METTL5: variants seen among roughly 807,000 people sequenced by gnomAD.
METTL5 encodes methyltransferase 5, N6-adenosine, also known as rRNA N(6)-adenosine-methyltransferase METTL5.
METTL5 carries 28 observed loss-of-function variants against 26.5 expected under a neutral mutation model. The observed-to-expected ratio is 1.06, with a 90% CI of 0.78 to 1.45. METTL5 has a LOEUF of 1.45. METTL5 is among the 40% of genes most tolerant of loss of function. METTL5 has a pLI of 0.00. For synonymous variants in METTL5, 86 were observed against 82.6 expected (o/e 1.04, Z -0.22); for missense variants, 231 against 249.9 (o/e 0.92, Z 0.51).
At chr2:169,823,134 A>G (rs111889417) in intron 1 of METTL5, among the ~76,000 whole-genome samples, 1,578 of 151,182 alleles carry the variant, frequency 0.01, 23 homozygotes, top group African/African-American at 0.037. Context: ...GGCACATACT[A>G]CCACACTAGG....
intron 4 of METTL5, among the ~76,000 whole-genome samples, chr2:169,815,953 G>C (rs573443842): frequency 6.6e-6 from 1 of 152,078 alleles, no homozygotes; most frequent in Non-Finnish European, 1.5e-5. Flanking sequence ...ACAATTGCCT[G>C]TAGTATTCAA....
intron 1 of METTL5, among the ~76,000 whole-genome samples, chr2:169,822,639 C>T (rs2081600636): frequency 6.6e-6 from 1 of 151,752 alleles, no homozygotes; most frequent in Non-Finnish European, 1.5e-5. Flanking sequence ...CTATATTGCC[C>T]ACGCTGCTCT....
intron 5 of METTL5, 62 bp from the exon 6 acceptor site, chr2:169,812,568 A>G: frequency 1.3e-6 from 2 of 1,530,548 alleles, no homozygotes; most frequent in Non-Finnish European, 8.9e-7. Flanking sequence ...ACCCTTGACT[A>G]AACAACAACA....
chr2:169,824,820 G>C lies in METTL5; in HGVS notation c.-223C>G, dbSNP rs955290068. ...CAAGCCGCCCCAGGAGACGGCGGCGGCGCACTGCTGGAGCAGCCTCAGGAT... is the reference window on the plus strand; with the variant it reads ...CAAGCCGCCCCAGGAGACGGCGGCGCCGCACTGCTGGAGCAGCCTCAGGAT... On this transcript the variant is annotated 5_prime_UTR_variant, in exon 1 of 7. Coordinates refer to ENST00000260953, the MANE Select transcript of METTL5 (RefSeq NM_014168.4). 2.2e-6 allele frequency: 1 copy of C among 460,778 alleles called. No homozygotes were observed. The highest frequency in any genetic ancestry group is 4.0e-6 in the Non-Finnish European group (1 of 251,276). 28.5% of individuals were successfully genotyped at this position (460,778 alleles called of 1,614,324 possible).
At chr2:169,814,992 A>G (rs1337562283) in intron 5 of METTL5, among the ~76,000 whole-genome samples, 1 of 152,006 alleles carries the variant, frequency 6.6e-6, no homozygotes, top group African/African-American at 2.4e-5. Flanking sequence ...CTGGGACTCA[A>G]GCGATTCTCC....
chr2:169,821,216 T>A lies in METTL5; in HGVS notation c.282A>T (p.Ala94=), dbSNP rs749122589. Residue 94 remains alanine, a synonymous_variant, in exon 3 of 7, where the codon GCA becomes GCT. Transcript: ENST00000260953. The part of the protein sequence containing the change: ...EDALEIFNRN[A]EEFELTNIDM... Reference sequence around the variant, plus strand: ...CAATATTTGTTAACTCAAACTCTTCTGCATTCCTATTAAATATTTCCAATG... The same window carrying A: ...CAATATTTGTTAACTCAAACTCTTCAGCATTCCTATTAAATATTTCCAATG... 6.2e-7 allele frequency: 1 copy of A among 1,612,792 alleles called. No homozygotes were observed. Among genetic ancestry groups the A allele is most frequent in the Non-Finnish European group, 8.5e-7 (1 of 1,179,420 alleles).
Position 169,824,761 on chromosome 2 carries a change from C to A in METTL5, c.-164G>T. 1.7e-6 allele frequency: 1 copy of A among 578,788 alleles called. No individual in the cohort carries two copies. Among genetic ancestry groups the A allele is most frequent in the Non-Finnish European group, 3.1e-6 (1 of 325,538 alleles). 35.9% of individuals were successfully genotyped at this position (578,788 alleles called of 1,614,324 possible). On this transcript the variant is annotated 5_prime_UTR_variant, in exon 1 of 7. Transcript: ENST00000260953. ...TAAGGAGACGCCCGGACGCAGGGCA[C>A]GGGGCGAGCCTCTGACCCACCTCCC...
chr2:169,812,704 G>A (rs1573965565), intron 5 of METTL5, 198 bp from the exon 6 acceptor site: 2 of 555,644 alleles, frequency 3.6e-6, no homozygotes, highest in East Asian at 6.4e-5. Context: ...CTGTTATTAT[G>A]GCCATTTATA....
At chr2:169,821,639 G>C (rs1256641480) in intron 2 of METTL5, among the ~76,000 whole-genome samples, 1 of 152,030 alleles carries the variant, frequency 6.6e-6, no homozygotes, top group Non-Finnish European at 1.5e-5. Flanking sequence ...GTCCACCTTG[G>C]CCTCCCAAAG....
intron 6 of METTL5, chr2:169,812,185 A>G: frequency 1.7e-6 from 1 of 579,166 alleles, no homozygotes; most frequent in South Asian, 2.2e-5. Context: ...CTGGCTTTGT[A>G]TATTTACACA....
intron 1 of METTL5, 133 bp from the exon 2 acceptor site, chr2:169,822,190 T>C: frequency 7.7e-7 from 1 of 1,297,696 alleles, no homozygotes; most frequent in South Asian, 1.6e-5. Flanking sequence ...CAGATTATTT[T>C]TGTAAAAGAT....
chr2:169,812,452 C>T lies in METTL5; in HGVS notation c.591+5G>A. 1 of 1,613,982 alleles carries T rather than the reference C, an allele frequency of 6.2e-7. No homozygotes were observed. Among genetic ancestry groups the T allele is most frequent in the East Asian group, 2.2e-5 (1 of 44,866 alleles). On this transcript the variant is annotated splice_donor_5th_base_variant and intron_variant, in intron 6 of 6. Transcript: ENST00000260953. ...ATGTAGACCAGCCAAAATCAAGAGACTTACTGATTTCTTTTTGTGAAACTT... is the reference window on the plus strand; with the variant it reads ...ATGTAGACCAGCCAAAATCAAGAGATTTACTGATTTCTTTTTGTGAAACTT...
chr2:169,812,097 A>G, intron 6 of METTL5: 2 of 591,040 alleles, frequency 3.4e-6, no homozygotes, highest in East Asian at 3.1e-5. Context: ...TTTTGTACCC[A>G]AAGCATTTAG....
chr2:169,811,917 AT>A, intron 6 of METTL5, 59 bp from the exon 7 acceptor site: 1 of 1,540,458 alleles, frequency 6.5e-7, no homozygotes, highest in Non-Finnish European at 8.9e-7. Flanking sequence ...TGCAAATGAG[AT>A]TTCTTTGAAT....
At chr2:169,814,094 C>T (rs1046503689) in intron 5 of METTL5, among the ~76,000 whole-genome samples, 1 of 152,042 alleles carries the variant, frequency 6.6e-6, no homozygotes, top group Non-Finnish European at 1.5e-5. Context: ...ATGTTTGTGA[C>T]TATTACCCAA....
At chr2:169,819,133 G>T (rs943083489) in intron 4 of METTL5, among the ~76,000 whole-genome samples, 1 of 152,174 alleles carries the variant, frequency 6.6e-6, no homozygotes, top group African/African-American at 2.4e-5. Context: ...GCAAAAGTAA[G>T]AATAGGTGAT....
intron 3 of METTL5, among the ~76,000 whole-genome samples, chr2:169,820,445 G>A (rs1294119219): frequency 6.6e-6 from 1 of 152,152 alleles, no homozygotes; most frequent in Non-Finnish European, 1.5e-5. Context: ...TCATTCATAA[G>A]GGTTAGGCAA....
At chr2:169,815,956 G>C (rs115193235) in intron 4 of METTL5, among the ~76,000 whole-genome samples, 1,806 of 152,176 alleles carry the variant, frequency 0.012, 8 homozygotes, top group Non-Finnish European at 0.017. Flanking sequence ...ATTGCCTGTA[G>C]TATTCAATAC....
Position 169,824,613 on chromosome 2 carries a change from G to A in METTL5, c.-16C>T, listed in dbSNP as rs759015524. ...CTTTCTTCATTTTGTTTTAAAGTATGGACTCGTAGGGTTTGAAGGCACAGG... is the reference window on the plus strand; with the variant it reads ...CTTTCTTCATTTTGTTTTAAAGTATAGACTCGTAGGGTTTGAAGGCACAGG... On this transcript the variant is annotated 5_prime_UTR_variant, in exon 1 of 7. Coordinates refer to ENST00000260953, the MANE Select transcript of METTL5 (RefSeq NM_014168.4). 4.8e-5 allele frequency: 76 copies of A among 1,578,476 alleles called. No homozygotes were observed. The South Asian group carries it at 8.4e-4, about 17-fold the overall frequency.
Sources: gnomAD v4.1 joint callset for allele counts (sites outside exome capture counted in the v4.1 genomes callset) on GRCh38, gnomAD v4.1.1 for gene constraint, MANE v1.5 for transcripts, NCBI Gene and HGNC (gene_info 2026-07-23, HGNC 2026-07-21) for gene names.